Variants in CABLES1 observed in about 807,000 individuals in gnomAD.
CABLES1 encodes the protein Cdk5 and Abl enzyme substrate 1.
CABLES1 carries 36 observed loss-of-function variants against 57.8 expected under a neutral mutation model. That is an observed-to-expected ratio of 0.62 (90% CI 0.48 to 0.82). The LOEUF (loss-of-function observed/expected upper bound fraction) is 0.82. Among genes scored for constraint, CABLES1 ranks in the 40% least tolerant of loss-of-function variants. The pLI, the probability that CABLES1 is intolerant of heterozygous loss-of-function variation, is 0.00. For missense variants in CABLES1, 767 were observed against 836.6 expected, an observed-to-expected ratio of 0.92 and a Z score of 1.03; for synonymous variants, 374 against 363.0, an observed-to-expected ratio of 1.03 and a Z score of -0.35.
chr18:23,153,790 A>G (rs1457589402), intron 1 of CABLES1, among the ~76,000 whole-genome samples: 2 of 151,986 alleles, frequency 1.3e-5, no homozygotes, highest in Non-Finnish European at 2.9e-5. Flanking sequence ...CAACACTTTG[A>G]GAGGCTGAGG....
At chr18:23,206,340 C>T (rs75104061) in intron 3 of CABLES1, among the ~76,000 whole-genome samples, 2 of 152,256 alleles carry the variant, frequency 1.3e-5, no homozygotes, top group Non-Finnish European at 2.9e-5. Flanking sequence ...GCTTCTCCCC[C>T]ATGCCACCCT....
At chr18:23,219,304 A>C in intron 4 of CABLES1, 1 of 454,182 alleles carries the variant, frequency 2.2e-6, no homozygotes, top group Non-Finnish European at 4.4e-6. Flanking sequence ...CAAACAAAAT[A>C]GCAAAAACAT....
At chr18:23,200,484 G>C (rs1015042533) in intron 3 of CABLES1, among the ~76,000 whole-genome samples, 3 of 152,114 alleles carry the variant, frequency 2.0e-5, no homozygotes, top group South Asian at 2.1e-4. Context: ...GGAAGGTCTC[G>C]ATCTCCTGAC....
intron 1 of CABLES1, among the ~76,000 whole-genome samples, chr18:23,146,639 G>A (rs1487661733): frequency 1.3e-5 from 2 of 152,180 alleles, no homozygotes; most frequent in African/African-American, 2.4e-5. Context: ...ATCACAAAAC[G>A]ATTGATAGTA....
intron 3 of CABLES1, among the ~76,000 whole-genome samples, chr18:23,200,855 G>T (rs975125740): frequency 6.6e-6 from 1 of 152,218 alleles, no homozygotes; most frequent in African/African-American, 2.4e-5. Flanking sequence ...TGGAGTTTCT[G>T]CAGGTGGCTG....
intron 1 of CABLES1, among the ~76,000 whole-genome samples, chr18:23,187,251 C>T (rs2047209253): frequency 6.6e-6 from 1 of 152,188 alleles, no homozygotes; most frequent in South Asian, 2.1e-4. Flanking sequence ...AGTGAAACTA[C>T]AGTTTCTGTA....
intron 1 of CABLES1, among the ~76,000 whole-genome samples, chr18:23,178,856 G>A (rs2047143701): frequency 6.6e-6 from 1 of 152,104 alleles, no homozygotes; most frequent in Non-Finnish European, 1.5e-5. Context: ...TTAGAGAGTC[G>A]CTTTCTTGAC....
chr18:23,210,043 G>A (rs944868748), intron 3 of CABLES1, among the ~76,000 whole-genome samples: 1 of 152,210 alleles, frequency 6.6e-6, no homozygotes, highest in African/African-American at 2.4e-5. Context: ...AAAGCTGGAC[G>A]GTGCTCCGTT....
intron 1 of CABLES1, among the ~76,000 whole-genome samples, chr18:23,183,542 G>A (rs985289879): frequency 3.9e-5 from 6 of 152,236 alleles, no homozygotes; most frequent in Non-Finnish European, 5.9e-5. Context: ...CATTAAGCAT[G>A]AACTCCAAAG....
rs1049790321 is a variant in CABLES1, at chr18:23,229,187, C to T, written c.1089-5421C>T. 2.6e-5 allele frequency among the ~76,000 whole-genome samples: 4 copies of T among 152,188 alleles called. 1 individual carries two copies. ...CAGCACTTTAGGAGGCTGAGGAGGG[C>T]GGATCAACTGAGTTCAGGGGTTCAA... On this transcript the variant is annotated intron_variant, in intron 4 of 9. Transcript: ENST00000256925.
intron 1 of CABLES1, among the ~76,000 whole-genome samples, chr18:23,172,551 T>G (rs2047090116): frequency 6.6e-6 from 1 of 152,210 alleles, no homozygotes; most frequent in Non-Finnish European, 1.5e-5. Context: ...CTGAAAACTT[T>G]GGTTGAAAAC....
chr18:23,255,584 G>T (rs559803106), intron 9 of CABLES1, among the ~76,000 whole-genome samples: 59 of 144,002 alleles, frequency 4.1e-4, no homozygotes, highest in Non-Finnish European at 7.6e-4. Flanking sequence ...TTTTGAGACA[G>T]GGTCTCACTC....
At chr18:23,181,947 C>A (rs1198568198) in intron 1 of CABLES1, among the ~76,000 whole-genome samples, 1 of 152,222 alleles carries the variant, frequency 6.6e-6, no homozygotes, top group Admixed American at 6.5e-5. Context: ...CACCTGTGTA[C>A]TTGAGGTATC....
chr18:23,139,403 CA>C (rs61297552), intron 1 of CABLES1, among the ~76,000 whole-genome samples: 44,165 of 110,688 alleles, frequency 0.4, 8,092 homozygotes, highest in East Asian at 0.49. Flanking sequence ...AACTCCATCT[CA>C]AAAAAAAAAA....
At chr18:23,242,181 G>A (rs1163059758) in intron 7 of CABLES1, among the ~76,000 whole-genome samples, 3 of 152,200 alleles carry the variant, frequency 2.0e-5, no homozygotes, top group Admixed American at 2.0e-4. Context: ...AGGAGGCTGA[G>A]GCAGGAGAAT....
chr18:23,165,290 G>T (rs187086019), intron 1 of CABLES1, among the ~76,000 whole-genome samples: 170 of 152,142 alleles, frequency 1.1e-3, no homozygotes, highest in African/African-American at 3.9e-3. Flanking sequence ...AGAGACAGGG[G>T]TCTCACTATG....
At chr18:23,155,439 T>C (rs2046959071) in intron 1 of CABLES1, among the ~76,000 whole-genome samples, 1 of 152,192 alleles carries the variant, frequency 6.6e-6, no homozygotes, top group African/African-American at 2.4e-5. Context: ...AAATAATGCA[T>C]ATTATAGACC....
chr18:23,159,826 C>G (rs1487332173), intron 1 of CABLES1, among the ~76,000 whole-genome samples: 1 of 151,832 alleles, frequency 6.6e-6, no homozygotes. Flanking sequence ...TATTTTTTCC[C>G]ATTTCATCTA....
At position 23,252,997 on chromosome 18, in the gene CABLES1, A is replaced by G. The variant is rs1568095170; in HGVS notation, c.1484A>G (p.Lys495Arg). The change falls in exon 8 of 10, where the codon AAG becomes AGG. Residue 495 changes from lysine (K) to arginine (R), a missense_variant. Around this residue, in one of 4 missense-constraint regions of CABLES1, gnomAD observed 529 missense variants for 622.8 expected, o/e 0.85. Coordinates refer to ENST00000256925, the MANE Select transcript of CABLES1 (RefSeq NM_001100619.3). ...VIDYVKPSDLKKDMNETFKEK... is the reference protein window; with the variant it reads ...VIDYVKPSDLRKDMNETFKEK... ...GACTACGTGAAGCCCTCGGATCTCA[A>G]GAAGGACATGAACGAGACCTTCAAG... 3 of 1,613,786 alleles carry G rather than the reference A, an allele frequency of 1.9e-6. No homozygotes were observed. The highest frequency in any genetic ancestry group is 1.1e-5 in the South Asian group (1 of 91,076).
Sources: allele counts gnomAD v4.1 joint callset (sites outside exome capture counted in the v4.1 genomes callset), GRCh38; gene constraint gnomAD v4.1.1; regional missense constraint gnomAD v4.1.1; transcripts MANE v1.5; gene names NCBI Gene and HGNC (gene_info 2026-07-23, HGNC 2026-07-21).